GPR84: variants seen among roughly 807,000 people sequenced by gnomAD.
GPR84 encodes G-protein coupled receptor 84.
A neutral mutation model predicts 14.9 loss-of-function variants in GPR84; 8 were observed. The ratio of observed to expected loss-of-function variants is 0.54; its 90% CI spans 0.31 to 0.97. The LOEUF is 0.97. Among genes scored for constraint, GPR84 ranks in the 50% least tolerant of loss-of-function variants. The probability of loss-of-function intolerance (pLI) is 0.04; values close to 1 mark genes in which losing one functional copy is unlikely to be tolerated. For synonymous variants in GPR84, 164 were observed against 198.1 expected (o/e 0.83, Z 1.45); for missense variants, 424 against 498.7 (o/e 0.85, Z 1.43).
chr12:54,356,339 A>G, the GPR84 span, among the ~76,000 whole-genome samples: 1 of 152,216 alleles, frequency 6.6e-6, no homozygotes, highest in South Asian at 2.1e-4. Context: ...CCCTCCTGAG[A>G]GGTACAAGGA....
Position 54,362,930 on chromosome 12 carries a change from G to A in GPR84, c.922C>T (p.Pro308Ser). 1 of 1,614,218 alleles carries A rather than the reference G, an allele frequency of 6.2e-7. No homozygotes were observed. Among genetic ancestry groups the A allele is most frequent in the Non-Finnish European group, 8.5e-7 (1 of 1,180,042 alleles). Residue 308 changes from proline to serine, a missense_variant, in exon 2 of 2, where the codon CCG (proline) becomes TCG (serine). By Grantham distance (74) the Pro-to-Ser change is moderately conservative. Coordinates refer to ENST00000267015, the MANE Select transcript of GPR84 (RefSeq NM_020370.3). The surrounding 1 kb of genome is among the most constrained non-coding windows in gnomAD (Gnocchi z 4.0). ...AQPIKGARRA[P>S]DSSSEFGKVT... is the part of the protein sequence containing the mutation. ...TTCCCAAATTCCGATGAAGAATCCG[G>A]AGCTCTTCTGGCTCCTTTAATTGGC...
At chr12:54,357,622 C>T (rs1013026247), downstream of GPR84, among the ~76,000 whole-genome samples, 1 of 152,200 alleles carries the variant, frequency 6.6e-6, no homozygotes, top group African/African-American at 2.4e-5. Context: ...GGCCAAGACT[C>T]CTAGGAGATG....
rs373753531 is a variant in GPR84, at chr12:54,363,232, C to T, written c.620G>A (p.Arg207Gln). The T allele has an allele frequency of 7.4e-6, 12 of 1,614,058 alleles. No homozygotes were observed. In the African/African-American group the frequency reaches 8.0e-5, roughly 11 times the overall value. Residue 207 changes from arginine to glutamine, a missense_variant, in exon 2 of 2, where the codon CGA (arginine) becomes CAA (glutamine). Physicochemically the swap from Arg to Gln is conservative, Grantham distance 43. Transcript: ENST00000267015. The part of the protein sequence containing the change: ...FYCLIHRQVK[R>Q]AAQALDQYKL... ...GTATTGGTCCAGTGCCTGTGCTGCT[C>T]GTTTGACCTGGCGGTGGATGAGGCA...
chr12:54,358,249 T>G (rs1954229370), downstream of GPR84, among the ~76,000 whole-genome samples: 1 of 152,154 alleles, frequency 6.6e-6, no homozygotes, highest in Non-Finnish European at 1.5e-5. Flanking sequence ...GGGAGCTTAC[T>G]GCAGCCTTGA....
At chr12:54,359,469 GAA>G (rs34393204), downstream of GPR84, among the ~76,000 whole-genome samples, 2 of 148,634 alleles carry the variant, frequency 1.3e-5, no homozygotes, top group South Asian at 2.1e-4. Flanking sequence ...GAGCTTAGGA[GAA>G]AAAAAAAGGC....
At chr12:54,359,921 G>T (rs1170119653), downstream of GPR84, among the ~76,000 whole-genome samples, 2 of 149,680 alleles carry the variant, frequency 1.3e-5, no homozygotes, top group Non-Finnish European at 2.9e-5. Flanking sequence ...TTCCTTCTGT[G>T]TCTCCTGAGT....
At chr12:54,361,878 G>A (rs1954272521), downstream of GPR84, among the ~76,000 whole-genome samples, 1 of 152,220 alleles carries the variant, frequency 6.6e-6, no homozygotes, top group Non-Finnish European at 1.5e-5. This position sits in a 1 kb window ranked among gnomAD's most constrained non-coding sequence, Gnocchi z 4.3. Context: ...AGGTGAATTA[G>A]CCCCATGGGC....
chr12:54,352,944 C>T, the GPR84 span, among the ~76,000 whole-genome samples: 1 of 152,324 alleles, frequency 6.6e-6, no homozygotes, highest in South Asian at 2.1e-4. Flanking sequence ...TCAGCCTTAA[C>T]ATCCTAATCT....
chr12:54,355,327 A>AGTGTGTGTGTGTGTGT, the GPR84 span, among the ~76,000 whole-genome samples: 3 of 146,940 alleles, frequency 2.0e-5, no homozygotes, highest in East Asian at 2.0e-4. Flanking sequence ...TGTGTGTGTG[A>AGTGTGTGTGTGTGTGT]GTGTGTGTGT....
At chr12:54,350,757 A>T in the GPR84 span, 1 of 578,098 alleles carries the variant, frequency 1.7e-6, no homozygotes, top group Non-Finnish European at 3.1e-6. Flanking sequence ...ATAATAGGGC[A>T]GGGGAAGCAC....
downstream of GPR84, among the ~76,000 whole-genome samples, chr12:54,359,867 C>CT (rs1258242058): frequency 1.3e-5 from 2 of 151,644 alleles, no homozygotes; most frequent in African/African-American, 4.9e-5. Flanking sequence ...CGGGTGGCTG[C>CT]TTTTTTGCTA....
chr12:54,354,215 A>G, the GPR84 span, among the ~76,000 whole-genome samples: 1 of 151,014 alleles, frequency 6.6e-6, no homozygotes, highest in South Asian at 2.1e-4. Flanking sequence ...CCCTGGGCTC[A>G]GGTGATCCCG....
Position 54,363,351 on chromosome 12 carries a change from G to T in GPR84, c.501C>A (p.Thr167=), listed in dbSNP as rs1281975879. Reference sequence around the variant, plus strand: ...GGCCTCGGATGCGGTCAAAGCTGCAGGTGCAGACTACAGGTACCAGGATAT... The same window carrying T: ...GGCCTCGGATGCGGTCAAAGCTGCATGTGCAGACTACAGGTACCAGGATAT... ...PIYILVPVVC[T]CSFDRIRGRP... Residue 167 remains threonine, a synonymous_variant, in exon 2 of 2, where the codon ACC becomes ACA. Coordinates refer to ENST00000267015, the MANE Select transcript of GPR84 (RefSeq NM_020370.3). The T allele has an allele frequency of 6.2e-7, 1 of 1,614,162 alleles. No individual in the cohort carries two copies. The highest frequency in any genetic ancestry group is 2.2e-5 in the East Asian group (1 of 44,882).
At chr12:54,350,782 G>T in the GPR84 span, 1 of 551,718 alleles carries the variant, frequency 1.8e-6, no homozygotes, top group Non-Finnish European at 3.3e-6. Context: ...TTTCTTTCTA[G>T]ACTGGATTAT....
At chr12:54,353,443 A>AC in the GPR84 span, among the ~76,000 whole-genome samples, 1 of 53,934 alleles carries the variant, frequency 1.9e-5, no homozygotes, top group Non-Finnish European at 3.9e-5. Context: ...TCTTCCCCCC[A>AC]CCCCCCTATG....
At chr12:54,362,423 C>G (rs1049725460), downstream of GPR84, 2 of 438,212 alleles carry the variant, frequency 4.6e-6, no homozygotes, top group Non-Finnish European at 8.2e-6. The surrounding 1 kb of genome is among the most constrained non-coding windows in gnomAD (Gnocchi z 4.0). Context: ...TTTCCTTCTT[C>G]CCCAGAGACC....
chr12:54,352,435 G>A, the GPR84 span, among the ~76,000 whole-genome samples: 1 of 152,134 alleles, frequency 6.6e-6, no homozygotes, highest in Non-Finnish European at 1.5e-5. Flanking sequence ...TCACAAGATG[G>A]ATTTAGCTGG....
At chr12:54,354,547 C>G in the GPR84 span, among the ~76,000 whole-genome samples, 2 of 152,002 alleles carry the variant, frequency 1.3e-5, no homozygotes, top group Non-Finnish European at 2.9e-5. Context: ...ATTCTCTTGC[C>G]TCAGCCTCCC....
At position 54,363,290 on chromosome 12, in the gene GPR84, C is replaced by T; in HGVS notation, c.562G>A (p.Val188Met). The stretch of plus-strand genomic sequence containing the variant: ...ATGCCAACACTGCTGAGCCCAAGCA[C>T]AAAGTAGATGCCCATGAGGATGGTG... ...YTTILMGIYFVLGLSSVGIFY... is the reference protein window; with the variant it reads ...YTTILMGIYFMLGLSSVGIFY... Residue 188 changes from valine to methionine, a missense_variant, in exon 2 of 2, where the codon GTG becomes ATG. Physicochemically the swap from Val to Met is conservative, Grantham distance 21 (BLOSUM62 1). Coordinates refer to ENST00000267015, the MANE Select transcript of GPR84 (RefSeq NM_020370.3). 2 of 1,614,170 alleles carry T rather than the reference C, an allele frequency of 1.2e-6. No individual in the cohort carries two copies. The highest frequency in any genetic ancestry group is 1.7e-6 in the Non-Finnish European group (2 of 1,180,046).
Sources: allele counts gnomAD v4.1 joint callset (sites outside exome capture counted in the v4.1 genomes callset), GRCh38; gene constraint gnomAD v4.1.1; non-coding constraint Gnocchi (gnomAD v3.1); transcripts MANE v1.5; gene names NCBI Gene and HGNC (gene_info 2026-07-23, HGNC 2026-07-21).